SYNE2: variants seen among roughly 807,000 people sequenced by gnomAD.
The protein encoded by SYNE2 is nesprin-2.
Under a neutral mutation model 856.3 loss-of-function variants are expected in SYNE2, and 431 were observed. That is an observed-to-expected ratio of 0.50 (90% CI 0.47 to 0.55). The LOEUF is 0.55. SYNE2 is among the 20% of genes least tolerant of loss of function. SYNE2 has a pLI of 0.00. For synonymous variants in SYNE2, 2,923 were observed against 2,872.3 expected (o/e 1.02, Z -0.56); for missense variants, 8,129 against 8,023.2 (o/e 1.01, Z -0.50).
intron 1 of SYNE2, among the ~76,000 whole-genome samples, chr14:63,815,805 A>G (rs1048003059): frequency 1.2e-4 from 19 of 152,102 alleles, no homozygotes; most frequent in Non-Finnish European, 2.6e-4. Context: ...CACAACACTC[A>G]AATTACAAGA....
chr14:64,105,694 AAAG>A (rs2153647050), intron 64 of SYNE2, among the ~76,000 whole-genome samples: 1 of 152,350 alleles, frequency 6.6e-6, no homozygotes, highest in South Asian at 2.1e-4. Context: ...GTTAATCTTA[AAAG>A]AAGGATTGCT....
At position 64,036,350 on chromosome 14, in the gene SYNE2, G is replaced by A. The variant is rs189245871; in HGVS notation, c.7221+4993G>A. Among the ~76,000 whole-genome samples, 25 of 152,168 alleles carry A rather than the reference G, an allele frequency of 1.6e-4. No homozygotes were observed. The East Asian group carries it at 4.5e-3, about 27-fold the overall frequency. On this transcript the variant is annotated intron_variant, in intron 45 of 115. Coordinates refer to ENST00000555002, the MANE Select transcript of SYNE2 (RefSeq NM_182914.3). Reference sequence around the variant, plus strand: ...CACCCAGGCTGGAGTGCAGTGGCGCGATCTTGGCTCACTGCAACCTCTGCC... The same window carrying A: ...CACCCAGGCTGGAGTGCAGTGGCGCAATCTTGGCTCACTGCAACCTCTGCC...
intron 64 of SYNE2, among the ~76,000 whole-genome samples, chr14:64,106,134 C>A (rs371605588): frequency 1.6e-5 from 1 of 63,538 alleles, no homozygotes; most frequent in Admixed American, 1.5e-4. Context: ...ATTTCCAGAC[C>A]CCCCCCCCCA....
intron 76 of SYNE2, among the ~76,000 whole-genome samples, chr14:64,130,746 A>G (rs1321313934): frequency 6.6e-6 from 1 of 152,000 alleles, no homozygotes; most frequent in East Asian, 1.9e-4. Flanking sequence ...TTAGCTGGGT[A>G]TGGTGGCAGG....
Position 64,093,429 on chromosome 14 carries a change from C to T in SYNE2, c.12057C>T (p.Phe4019=). ...KQILNNYSAQ[F]SLEHMSPDQA... ...TCTTAAATAATTATTCAGCTCAGTT[C>T]TCCCTTGAACATATGTCACCAGACC... Residue 4019 remains phenylalanine, a synonymous_variant, in exon 61 of 116, where the codon TTC becomes TTT. Transcript: ENST00000555002. 1.9e-6 allele frequency: 3 copies of T among 1,614,104 alleles called. No homozygotes were observed. The highest frequency in any genetic ancestry group is 2.2e-5 in the East Asian group (1 of 44,880).
At chr14:64,015,650 G>T (rs950422510) in intron 32 of SYNE2, among the ~76,000 whole-genome samples, 4 of 151,540 alleles carry the variant, frequency 2.6e-5, no homozygotes, top group South Asian at 2.1e-4. Flanking sequence ...TATTTTATTG[G>T]TTTTTTTCCC....
At position 64,070,805 on chromosome 14, in the gene SYNE2, T is replaced by C; in HGVS notation, c.10592T>C (p.Leu3531Pro). The change falls in exon 52 of 116, where the codon CTT (leucine) becomes CCT (proline). Residue 3531 changes from leucine to proline, a missense_variant. Physicochemically the swap from Leu to Pro is moderately conservative, Grantham distance 98. Coordinates refer to ENST00000555002, the MANE Select transcript of SYNE2 (RefSeq NM_182914.3). The stretch of plus-strand genomic sequence containing the variant: ...AAGCAACAGCTGTTACTGACTCTAC[T>C]TCTTCAGCGCATCAGAAGTATCCAG... Reference protein sequence around the residue: ...VEKQQLLLTLLLQRIRSIQNV... With the variant: ...VEKQQLLLTLPLQRIRSIQNV... 4 of 1,614,192 alleles carry C rather than the reference T, an allele frequency of 2.5e-6. No homozygotes were observed. Among genetic ancestry groups the C allele is most frequent in the Non-Finnish European group, 3.4e-6 (4 of 1,180,036 alleles).
chr14:63,847,282 A>G (rs1415618130), intron 1 of SYNE2, among the ~76,000 whole-genome samples: 1 of 151,462 alleles, frequency 6.6e-6, no homozygotes, highest in Non-Finnish European at 1.5e-5. Flanking sequence ...CTGCTTTTAC[A>G]AAATAATAAT....
Position 63,819,785 on chromosome 14 carries a change from C to T in SYNE2, c.-304-32716C>T, listed in dbSNP as rs1383139812. ...TCTCCTGACCTCGTGATCCACCCGC[C>T]TCGGCCTCCCAAAGTGCTGGGATTA... On this transcript the variant is annotated intron_variant, in intron 1 of 23. Coordinates refer to the SYNE2 transcript ENST00000674003. 1.7e-4 allele frequency among the ~76,000 whole-genome samples: 25 copies of T among 147,618 alleles called. 1 individual carries two copies. In the Admixed American group the frequency reaches 1.7e-3, roughly 10 times the overall value.
At chr14:64,124,986 G>A (rs2097928126) in intron 70 of SYNE2, 93 bp from the exon 71 acceptor site, 1 of 1,528,884 alleles carries the variant, frequency 6.5e-7, no homozygotes, top group South Asian at 1.2e-5. Flanking sequence ...CTGGGCGACA[G>A]AGCAAGACTC....
chr14:63,764,342 C>G (rs541031522), intron 1 of SYNE2, among the ~76,000 whole-genome samples: 1 of 152,228 alleles, frequency 6.6e-6, no homozygotes, highest in African/African-American at 2.4e-5. Context: ...ATTGTTTACA[C>G]GAGGGATGAA....
intron 6 of SYNE2, among the ~76,000 whole-genome samples, chr14:63,946,906 G>A (rs2096040870): frequency 1.3e-5 from 2 of 151,826 alleles, no homozygotes; most frequent in Non-Finnish European, 1.5e-5. Flanking sequence ...CTGGAGTGCA[G>A]TGGCACAATC....
intron 76 of SYNE2, among the ~76,000 whole-genome samples, chr14:64,130,653 G>A (rs879735857): frequency 1.3e-5 from 2 of 152,196 alleles, no homozygotes; most frequent in Non-Finnish European, 2.9e-5. Flanking sequence ...GGGAGGCTGA[G>A]GCGGGTGGAT....
intron 1 of SYNE2, among the ~76,000 whole-genome samples, chr14:63,832,562 G>T (rs760637610): frequency 6.6e-6 from 1 of 152,058 alleles, no homozygotes; most frequent in South Asian, 2.1e-4. Context: ...CAGCTGAGGA[G>T]TGTAGAACAC....
chr14:64,126,946 A>C, intron 73 of SYNE2, 139 bp downstream of exon 73: 1 of 1,027,486 alleles, frequency 9.7e-7, no homozygotes, highest in South Asian at 1.4e-5. Flanking sequence ...TTTGTTGCTC[A>C]TGGTTGGAGA....
intron 77 of SYNE2, among the ~76,000 whole-genome samples, chr14:64,133,071 T>C (rs1020963888): frequency 5.9e-5 from 9 of 151,576 alleles, no homozygotes; most frequent in African/African-American, 1.7e-4. Flanking sequence ...CTGGGCGTGG[T>C]GGTGGGCGCC....
At chr14:64,014,918 T>C (rs1236135001) in intron 32 of SYNE2, among the ~76,000 whole-genome samples, 1 of 132,092 alleles carries the variant, frequency 7.6e-6, no homozygotes, top group African/African-American at 2.7e-5. Context: ...TTGGTCATGG[T>C]GTATAATTCC....
At chr14:64,187,494 T>TA (rs2098498105) in intron 97 of SYNE2, among the ~76,000 whole-genome samples, 1 of 152,192 alleles carries the variant, frequency 6.6e-6, no homozygotes, top group Non-Finnish European at 1.5e-5. Context: ...TCAATCAGAA[T>TA]GACAATGTGC....
At chr14:63,850,245 C>CTT (rs34763098), upstream of SYNE2, among the ~76,000 whole-genome samples, 40 of 112,486 alleles carry the variant, frequency 3.6e-4, no homozygotes, top group Middle Eastern at 4.4e-3. Context: ...CCACACCTAG[C>CTT]TTTTTTTTTT....
Sources: allele counts gnomAD v4.1 joint callset (sites outside exome capture counted in the v4.1 genomes callset), GRCh38; gene constraint gnomAD v4.1.1; transcripts MANE v1.5; gene names NCBI Gene and HGNC (gene_info 2026-07-23, HGNC 2026-07-21).